The following QSER1 variants were observed in gnomAD, a reference collection of about 807,000 sequenced individuals.
QSER1 encodes the protein glutamine and serine rich 1, also known as glutamine and serine-rich protein 1.
QSER1 carries 49 observed loss-of-function variants against 158.5 expected under a neutral mutation model. That is an observed-to-expected ratio of 0.31 (90% CI 0.25 to 0.39). The LOEUF is 0.39. QSER1 is among the 10% of genes least tolerant of loss of function. The pLI is 1.00. For synonymous variants in QSER1, 650 were observed against 715.5 expected, an observed-to-expected ratio of 0.91 and a Z score of 1.46; for missense variants, 1,754 against 2,010.3, an observed-to-expected ratio of 0.87 and a Z score of 2.44.
At position 32,976,433 on chromosome 11, in the gene QSER1, T is replaced by C; in HGVS notation, c.5554T>C (p.Phe1852Leu). The C allele has an allele frequency of 6.2e-7, 1 of 1,608,892 alleles. No homozygotes were observed. The highest frequency in any genetic ancestry group is 8.5e-7 in the Non-Finnish European group (1 of 1,178,552). Residue 1852 changes from phenylalanine (F) to leucine (L), a missense_variant, in exon 13 of 13, where the codon TTT becomes CTT. By Grantham distance (22) the Phe-to-Leu change is conservative (BLOSUM62 0). This residue lies in a region of QSER1 where 47 missense variants were observed against 90.7 expected (regional missense o/e 0.52). Coordinates refer to ENST00000650167, the MANE Select transcript of QSER1 (RefSeq NM_001076786.3). ...ATGGGTGGAGGACCTCTTTGAAAAA[T>C]TTGGAGAACTTCTAAATCATGTACA... ...VKWVEDLFEK[F>L]GELLNHVQQK...
At chr11:32,913,500 G>T (rs968193077) in intron 1 of QSER1, among the ~76,000 whole-genome samples, 1 of 151,940 alleles carries the variant, frequency 6.6e-6, no homozygotes, top group Non-Finnish European at 1.5e-5. Flanking sequence ...GTCTTTCCTC[G>T]TCCTTTTAAT....
chr11:32,969,128 G>T lies in QSER1; in HGVS notation c.5190G>T (p.Leu1730Phe). 6.3e-7 allele frequency: 1 copy of T among 1,586,962 alleles called. No homozygotes were observed. Among genetic ancestry groups the T allele is most frequent in the South Asian group, 1.2e-5 (1 of 86,798 alleles). The change falls in exon 10 of 13, where the codon TTG (leucine) becomes TTT (phenylalanine). Residue 1730 changes from leucine (L) to phenylalanine (F), a missense_variant. Physicochemically the swap from Leu to Phe is conservative, Grantham distance 22. Transcript: ENST00000650167. ...NRKRLLLNLH[L>F]DQSFKNALES... ...AGAGACTTCTTTTGAATCTTCATTT[G>T]GATCAATCATTCAAGGTATTTCCTT...
intron 1 of QSER1, among the ~76,000 whole-genome samples, chr11:32,907,643 G>C (rs1168111884): frequency 6.6e-6 from 1 of 152,176 alleles, no homozygotes; most frequent in Admixed American, 6.5e-5. Flanking sequence ...CTATATGTTA[G>C]TTCATTTTTA....
At chr11:32,919,435 CTT>C (rs1263677062) in intron 1 of QSER1, among the ~76,000 whole-genome samples, 1 of 152,180 alleles carries the variant, frequency 6.6e-6, no homozygotes, top group Non-Finnish European at 1.5e-5. Context: ...GGATACCCCT[CTT>C]TTGGAATTTG....
chr11:32,910,507 TGTATGCG>T, intron 1 of QSER1, among the ~76,000 whole-genome samples: 1 of 152,332 alleles, frequency 6.6e-6, no homozygotes, highest in East Asian at 1.9e-4. Flanking sequence ...GCTAGACACT[TGTATGCG>T]GTTTAATACC....
intron 9 of QSER1, among the ~76,000 whole-genome samples, chr11:32,966,906 C>T (rs1194309292): frequency 6.6e-6 from 1 of 152,036 alleles, no homozygotes; most frequent in Admixed American, 6.5e-5. Flanking sequence ...TGGGTTATAC[C>T]AATTAATATT....
Position 32,953,867 on chromosome 11 carries a change from G to A in QSER1, c.4188G>A (p.Gln1396=). The stretch of plus-strand genomic sequence containing the variant: ...TTGGTTTTGTTTCAGAAGCCCTACA[G>A]GTGGCAACTACTAGCCCAACTGCCA... The part of the protein sequence containing the change: ...SDKKKKTEAL[Q]VATTSPTANT... Residue 1396 remains glutamine (Q), a synonymous_variant, in exon 5 of 13, where the codon CAG becomes CAA. Coordinates refer to ENST00000650167, the MANE Select transcript of QSER1 (RefSeq NM_001076786.3). 1 of 1,610,710 alleles carries A rather than the reference G, an allele frequency of 6.2e-7. No individual in the cohort carries two copies. Among genetic ancestry groups the A allele is most frequent in the Non-Finnish European group, 8.5e-7 (1 of 1,177,760 alleles).
rs1328992384 is a variant in QSER1, at chr11:32,932,061, A to T, written c.803A>T (p.Glu268Val). 6.2e-7 allele frequency: 1 copy of T among 1,614,204 alleles called. No individual in the cohort carries two copies. The highest frequency in any genetic ancestry group is 8.5e-7 in the Non-Finnish European group (1 of 1,180,034). ...PQSSTYRSAQ[E>V]SAPHLLQPQF... ...TCTTCAACATACCGCTCAGCTCAAGAGTCTGCACCCCATCTTTTACAACCT... is the reference window on the plus strand; with the variant it reads ...TCTTCAACATACCGCTCAGCTCAAGTGTCTGCACCCCATCTTTTACAACCT... Residue 268 changes from glutamate (E) to valine (V), a missense_variant, in exon 4 of 13, where the codon GAG becomes GTG. Glu to Val is a moderately radical substitution (Grantham distance 121). Transcript: ENST00000650167.
At chr11:32,964,005 T>A (rs1284565678) in intron 8 of QSER1, among the ~76,000 whole-genome samples, 1 of 152,136 alleles carries the variant, frequency 6.6e-6, no homozygotes, top group Non-Finnish European at 1.5e-5. Flanking sequence ...GATGGGGTCT[T>A]ATTCTATCAC....
In QSER1 at chr11:32,931,932, A is replaced by G. The variant is rs748845274; in HGVS notation, c.674A>G (p.His225Arg). The G allele has an allele frequency of 1.9e-6, 3 of 1,614,070 alleles. No homozygotes were observed. The highest frequency in any genetic ancestry group is 1.3e-5 in the African/African-American group (1 of 74,946). ...NTTSNGILSH[H>R]DPLLQIKTSQ... Reference sequence around the variant, plus strand: ...ACATCAAATGGAATTTTAAGTCATCATGACCCTTTGCTACAAATCAAGACT... The same window carrying G: ...ACATCAAATGGAATTTTAAGTCATCGTGACCCTTTGCTACAAATCAAGACT... Residue 225 changes from histidine to arginine, a missense_variant, in exon 4 of 13, where the codon CAT becomes CGT. Around this residue, in one of 2 missense-constraint regions of QSER1, gnomAD observed 1,707 missense variants for 1,919.6 expected, o/e 0.89. Transcript: ENST00000650167.
At chr11:32,909,535 G>A (rs575948906) in intron 1 of QSER1, among the ~76,000 whole-genome samples, 21 of 152,146 alleles carry the variant, frequency 1.4e-4, no homozygotes, top group Non-Finnish European at 2.6e-4. Flanking sequence ...CGCCTTCTGG[G>A]TTCAAGCAAT....
chr11:32,928,184 T>C, intron 3 of QSER1, 61 bp downstream of exon 3: 1 of 999,850 alleles, frequency 1.0e-6, no homozygotes, highest in Non-Finnish European at 1.6e-6. Flanking sequence ...CATATACATT[T>C]GATGGCCTTG....
In QSER1 at chr11:32,933,589, A is replaced by G; in HGVS notation, c.2331A>G (p.Gln777=). 1 of 1,614,084 alleles carries G rather than the reference A, an allele frequency of 6.2e-7. No homozygotes were observed. The highest frequency in any genetic ancestry group is 8.5e-7 in the Non-Finnish European group (1 of 1,179,970). Residue 777 remains glutamine, a synonymous_variant, in exon 4 of 13, where the codon CAA becomes CAG. Coordinates refer to ENST00000650167, the MANE Select transcript of QSER1 (RefSeq NM_001076786.3). The stretch of plus-strand genomic sequence containing the variant: ...CACAACTTAACCAACAAATTGGCCA[A>G]GTCAATAATGCAGCTACCCTTGATC... ...SVTQLNQQIG[Q]VNNAATLDLK... is the part of the protein sequence containing the mutation.
At chr11:32,898,486 A>T (rs1188014138) in intron 1 of QSER1, among the ~76,000 whole-genome samples, 47 of 11,456 alleles carry the variant, frequency 4.1e-3, no homozygotes, top group African/African-American at 0.022. Flanking sequence ...AACCTGTCAC[A>T]CACACACACA....
At chr11:32,942,636 C>G (rs1852260864) in intron 4 of QSER1, among the ~76,000 whole-genome samples, 1 of 152,154 alleles carries the variant, frequency 6.6e-6, no homozygotes, top group Admixed American at 6.5e-5. Flanking sequence ...GTTCCTGTAG[C>G]CTTGTAGTAT....
intron 1 of QSER1, among the ~76,000 whole-genome samples, chr11:32,924,595 A>G (rs1851943940): frequency 6.6e-6 from 1 of 151,394 alleles, no homozygotes; most frequent in African/African-American, 2.4e-5. Context: ...AAATAAAGAC[A>G]CTGGAAAATG....
chr11:32,911,961 A>G (rs1292206098), intron 1 of QSER1, among the ~76,000 whole-genome samples: 4 of 152,194 alleles, frequency 2.6e-5, no homozygotes, highest in Non-Finnish European at 5.9e-5. Flanking sequence ...CAGATAAGTA[A>G]CATCCTTGAG....
chr11:32,907,026 A>C (rs1473669156), intron 1 of QSER1, among the ~76,000 whole-genome samples: 2 of 152,222 alleles, frequency 1.3e-5, no homozygotes, highest in Non-Finnish European at 2.9e-5. Flanking sequence ...CTTGAAGTCA[A>C]TCTTCTAATA....
At position 32,948,080 on chromosome 11, in the gene QSER1, C is replaced by T. The variant is rs1389207004; in HGVS notation, c.4178-5777C>T. ...CAAGCAGTATTCCCTGGGTACAGTG[C>T]AGCCGTTTCTAGAAAGAACAAAGAA... On this transcript the variant is annotated intron_variant, in intron 4 of 12. Coordinates refer to ENST00000650167, the MANE Select transcript of QSER1 (RefSeq NM_001076786.3). Among the ~76,000 whole-genome samples the T allele has an allele frequency of 2.0e-5, 3 of 152,208 alleles. 1 individual carries two copies. The highest frequency in any genetic ancestry group is 1.3e-4 in the Admixed American group (2 of 15,288).
Sources: gnomAD v4.1 joint callset for allele counts (sites outside exome capture counted in the v4.1 genomes callset) on GRCh38, gnomAD v4.1.1 for gene constraint, gnomAD v4.1.1 regional missense constraint, MANE v1.5 for transcripts, NCBI Gene and HGNC (gene_info 2026-07-23, HGNC 2026-07-21) for gene names.